The following KLHL13 variants were observed in gnomAD, a reference collection of about 807,000 sequenced individuals.
KLHL13 encodes kelch-like protein 13.
Under a neutral mutation model 37.1 loss-of-function variants are expected in KLHL13, and 10 were observed. The ratio of observed to expected loss-of-function variants is 0.27; its 90% CI spans 0.17 to 0.46. KLHL13 has a LOEUF of 0.46. Among genes scored for constraint, KLHL13 ranks in the 20% least tolerant of loss-of-function variants. The pLI is 1.00. For missense variants in KLHL13, 360 were observed against 509.3 expected (o/e 0.71, Z 2.82); for synonymous variants, 163 against 181.2 (o/e 0.90, Z 0.81).
intron 1 of KLHL13, chrX:117,946,799 AC>A (rs1933344024): frequency 8.9e-6 from 1 of 111,785 alleles, no homozygotes; most frequent in Admixed American, 9.5e-5. Flanking sequence ...CATACCTAAA[AC>A]CCCAAGTTGA....
chrX:117,968,171 T>A (rs2053468726), intron 1 of KLHL13, among the ~76,000 whole-genome samples: 1 of 111,680 alleles, frequency 9.0e-6, no homozygotes, highest in South Asian at 3.8e-4. Flanking sequence ...GAATTTTTTT[T>A]TTTCTATATA....
rs534594394 is a variant in KLHL13, at chrX:118,069,313, A to C, written c.-56+47195T>G. 5.2e-4 allele frequency among the ~76,000 whole-genome samples: 57 copies of C among 109,203 alleles called. 1 individual carries two copies. The highest frequency in any genetic ancestry group is 1.9e-3 in the African/African-American group (56 of 29,908). 94.8% of individuals were successfully genotyped at this position (109,203 alleles called of 115,157 possible). A position where few individuals can be genotyped will look rare whatever the true frequency, so the allele number is the denominator to read the frequency against. On this transcript the variant is annotated intron_variant, in intron 1 of 6. Coordinates refer to the KLHL13 transcript ENST00000371882. ...TGCCCTGAAGACCTTCCAGTGAGAT[A>C]AGATGTGTAAGTGGAAGGCAGTGAA... is the stretch of plus-strand genomic sequence containing the variant.
chrX:118,033,027 G>A (rs2054379135), intron 1 of KLHL13, among the ~76,000 whole-genome samples: 1 of 110,728 alleles, frequency 9.0e-6, no homozygotes, highest in African/African-American at 3.3e-5. Flanking sequence ...GAAGTGAGAA[G>A]GGAAGTTTAG....
intron 1 of KLHL13, among the ~76,000 whole-genome samples, chrX:118,026,712 T>TA (rs995895025): frequency 1.8e-5 from 2 of 111,422 alleles, no homozygotes; most frequent in African/African-American, 6.5e-5. Flanking sequence ...ATGCCCTAAT[T>TA]AAAGAGGACC....
chrX:117,993,303 A>T (rs190464947), intron 1 of KLHL13, among the ~76,000 whole-genome samples: 1 of 111,872 alleles, frequency 8.9e-6, no homozygotes, highest in African/African-American at 3.2e-5. Flanking sequence ...ATTCAAAAAG[A>T]CTTTTAGGAG....
At chrX:117,935,991 T>C (rs1353564816) in intron 2 of KLHL13, among the ~76,000 whole-genome samples, 6 of 111,671 alleles carry the variant, frequency 5.4e-5, no homozygotes, top group Non-Finnish European at 1.1e-4. Context: ...AATTATATGG[T>C]ATGTGAATCA....
At chrX:117,920,452 T>A in intron 2 of KLHL13, 82 bp from the exon 4 acceptor site, 1 of 973,477 alleles carries the variant, frequency 1.0e-6, no homozygotes, top group Non-Finnish European at 1.4e-6. Flanking sequence ...GTTTGAATAT[T>A]AATGTGGTGC....
chrX:118,006,911 G>A (rs2053989867), intron 1 of KLHL13, among the ~76,000 whole-genome samples: 1 of 111,398 alleles, frequency 9.0e-6, no homozygotes, highest in African/African-American at 3.3e-5. Flanking sequence ...TTGAAAGCTA[G>A]TATTAATATA....
chrX:118,036,936 C>A (rs2054451351), intron 1 of KLHL13, among the ~76,000 whole-genome samples: 1 of 94,114 alleles, frequency 1.1e-5, no homozygotes, highest in Admixed American at 1.2e-4. Flanking sequence ...GGGCAAAGGA[C>A]ATGAACAGAC....
At position 118,041,020 on chromosome X, in the gene KLHL13, C is replaced by CTGAGGAAT. The variant is rs751300285; in HGVS notation, c.-56+75480_-56+75487dup. Reference sequence around the variant, plus strand: ...AAAGACCTTCCTTGACAAACAAAAGCTGAGGAATTTCATCAACACCAGATC... The same window carrying CTGAGGAAT: ...AAAGACCTTCCTTGACAAACAAAAGCTGAGGAATTGAGGAATTTCATCAACACCAGATC... On this transcript the variant is annotated intron_variant, in intron 1 of 6. Coordinates refer to the KLHL13 transcript ENST00000371882. 4.9e-3 allele frequency among the ~76,000 whole-genome samples: 552 copies of CTGAGGAAT among 111,921 alleles called. 4 individuals carry two copies. The highest frequency in any genetic ancestry group is 0.016 in the African/African-American group (496 of 30,843).
intron 1 of KLHL13, among the ~76,000 whole-genome samples, chrX:118,069,235 T>G (rs2054829421): frequency 9.2e-6 from 1 of 108,861 alleles, no homozygotes. Flanking sequence ...TCAGGAGGTA[T>G]TCCAGAAAAA....
rs898302679 is a variant in KLHL13, at chrX:117,903,616, A to G, written c.1367-1670T>C. Among the ~76,000 whole-genome samples the G allele has an allele frequency of 2.7e-5, 3 of 110,068 alleles. No individual in the cohort carries two copies. In the Admixed American group the frequency reaches 2.9e-4, roughly 11 times the overall value. On this transcript the variant is annotated intron_variant, in intron 5 of 6. Transcript: ENST00000262820. ...CGGACAAGCAAAATCCTACATTATTATTCTCTCTCTCTCTCTCTCCTTCTC... is the reference window on the plus strand; with the variant it reads ...CGGACAAGCAAAATCCTACATTATTGTTCTCTCTCTCTCTCTCTCCTTCTC...
At position 118,008,696 on chromosome X, in the gene KLHL13, G is replaced by A. The variant is rs771055252; in HGVS notation, c.-55-63121C>T. On this transcript the variant is annotated intron_variant, in intron 1 of 6. Coordinates refer to the KLHL13 transcript ENST00000371882. ...CAAAACCCTTGTCCTCAGGGAGTTT[G>A]CATTCCAGGGAAGGAAAAAGACTGG... Among the ~76,000 whole-genome samples the A allele has an allele frequency of 1.9e-4, 21 of 111,518 alleles. 2 individuals carry two copies. In the Middle Eastern group the frequency reaches 0.028, roughly 148 times the overall value.
upstream of KLHL13, among the ~76,000 whole-genome samples, chrX:117,978,582 T>C (rs145815375): frequency 2.7e-5 from 3 of 110,785 alleles, no homozygotes; most frequent in East Asian, 8.5e-4. Context: ...GGGGCTAAGA[T>C]AGGAGCTGGG....
intron 1 of KLHL13, among the ~76,000 whole-genome samples, chrX:117,963,027 T>C (rs1385893239): frequency 8.9e-6 from 1 of 112,249 alleles, no homozygotes; most frequent in Non-Finnish European, 1.9e-5. Context: ...TTGGAATATG[T>C]CTCATGAAGT....
chrX:118,094,338 G>GA (rs772288259), intron 1 of KLHL13, among the ~76,000 whole-genome samples: 1 of 111,078 alleles, frequency 9.0e-6, no homozygotes. Flanking sequence ...GAAGTTTAGA[G>GA]AAAAAAGAGT....
chrX:117,908,124 G>T (rs1337384100), intron 5 of KLHL13, among the ~76,000 whole-genome samples: 4 of 105,972 alleles, frequency 3.8e-5, no homozygotes, highest in Admixed American at 1.0e-4. Context: ...TTGTGTTCAA[G>T]CAATCCTGCT....
At chrX:117,964,192 TA>T (rs760681099) in intron 1 of KLHL13, among the ~76,000 whole-genome samples, 6,673 of 101,208 alleles carry the variant, frequency 0.066, 268 homozygotes, top group African/African-American at 0.13. Flanking sequence ...TAGAGTATAA[TA>T]AAAAAAAAAA....
rs372699150 is a variant in KLHL13 at position 118,038,931 on chromosome X, ATT to A, written c.-56+77575_-56+77576del. ...CTTGAGGACAGAAGGGAAAAAGATG[ATT>A]TTGTCTTGCAACTTGCATACTAGCT... is the stretch of plus-strand genomic sequence containing the variant. On this transcript the variant is annotated intron_variant, in intron 1 of 6. Coordinates refer to the KLHL13 transcript ENST00000371882. Among the ~76,000 whole-genome samples, 165 of 111,408 alleles carry A rather than the reference ATT, an allele frequency of 1.5e-3. 2 individuals carry two copies. The highest frequency in any genetic ancestry group is 5.2e-3 in the African/African-American group (160 of 30,581).
Sources: gnomAD v4.1 joint callset for allele counts (sites outside exome capture counted in the v4.1 genomes callset) on GRCh38, gnomAD v4.1.1 for gene constraint, MANE v1.5 for transcripts, NCBI Gene and HGNC (gene_info 2026-07-23, HGNC 2026-07-21) for gene names.